SYNRG: variants seen among roughly 807,000 people sequenced by gnomAD.
The protein encoded by SYNRG is synergin gamma, also known as AP1 gamma subunit binding protein 1.
Under a neutral mutation model 130.9 loss-of-function variants are expected in SYNRG, and 37 were observed. The observed-to-expected ratio is 0.28, with a 90% CI of 0.22 to 0.37. SYNRG has a LOEUF of 0.37. Among genes scored for constraint, SYNRG ranks in the 10% least tolerant of loss-of-function variants. The probability of loss-of-function intolerance (pLI) is 1.00; values close to 1 mark genes in which losing one functional copy is unlikely to be tolerated. For missense variants in SYNRG, 1,338 were observed against 1,588.9 expected (o/e 0.84, Z 2.68); for synonymous variants, 539 against 568.1 (o/e 0.95, Z 0.73).
At chr17:37,546,691 T>C (rs1187724699) in intron 14 of SYNRG, among the ~76,000 whole-genome samples, 1 of 152,150 alleles carries the variant, frequency 6.6e-6, no homozygotes, top group Non-Finnish European at 1.5e-5. Flanking sequence ...AGCTGTTAAG[T>C]ATATGCCCAG....
At chr17:37,543,185 C>A (rs1014510254) in intron 14 of SYNRG, among the ~76,000 whole-genome samples, 2 of 151,912 alleles carry the variant, frequency 1.3e-5, no homozygotes, top group African/African-American at 4.8e-5. Flanking sequence ...TCAAATTGGA[C>A]GTCATATTGC....
At chr17:37,592,749 A>C (rs1354002755) in intron 3 of SYNRG, among the ~76,000 whole-genome samples, 1 of 152,228 alleles carries the variant, frequency 6.6e-6, no homozygotes, top group Admixed American at 6.5e-5. Context: ...AGTGAATGCA[A>C]AAGGAGTAAG....
chr17:37,569,489 A>G (rs534802979), intron 10 of SYNRG, among the ~76,000 whole-genome samples: 1 of 151,300 alleles, frequency 6.6e-6, no homozygotes, highest in African/African-American at 2.4e-5. Context: ...AGCGCCTACC[A>G]TCTTTAAAAG....
intron 19 of SYNRG, among the ~76,000 whole-genome samples, chr17:37,526,808 T>C (rs927308964): frequency 6.6e-6 from 1 of 152,232 alleles, no homozygotes; most frequent in African/African-American, 2.4e-5. Context: ...TGGGGTCACC[T>C]GGATAATCCA....
chr17:37,594,172 AATT>A (rs2062478005), intron 3 of SYNRG, among the ~76,000 whole-genome samples: 1 of 110,266 alleles, frequency 9.1e-6, no homozygotes, highest in African/African-American at 3.8e-5. Context: ...TAATTATATT[AATT>A]ACAATATTAA....
chr17:37,543,874 T>C (rs980685686), intron 14 of SYNRG, among the ~76,000 whole-genome samples: 3 of 152,252 alleles, frequency 2.0e-5, no homozygotes, highest in South Asian at 2.1e-4. Context: ...CGTTTCATTG[T>C]AGTCACTGTA....
At chr17:37,565,363 T>C (rs146061728) in intron 11 of SYNRG, among the ~76,000 whole-genome samples, 1,578 of 152,052 alleles carry the variant, frequency 0.01, 24 homozygotes, top group South Asian at 0.039. Context: ...GTGCCCAGGC[T>C]GGAGTGCAGT....
At chr17:37,601,203 G>T (rs1272518493) in intron 1 of SYNRG, among the ~76,000 whole-genome samples, 2 of 152,016 alleles carry the variant, frequency 1.3e-5, no homozygotes, top group Non-Finnish European at 2.9e-5. Flanking sequence ...GAGTAGCTGG[G>T]ATTACAGGCA....
At chr17:37,525,974 A>C (rs1190955677) in intron 19 of SYNRG, among the ~76,000 whole-genome samples, 1 of 152,158 alleles carries the variant, frequency 6.6e-6, no homozygotes, top group Non-Finnish European at 1.5e-5. Flanking sequence ...TCAAAAACAA[A>C]ACAAAACAAT....
chr17:37,542,403 G>A lies in SYNRG; in HGVS notation c.2771C>T (p.Ser924Leu). The A allele has an allele frequency of 6.2e-7, 1 of 1,614,172 alleles. No homozygotes were observed. Among genetic ancestry groups the A allele is most frequent in the African/African-American group, 1.3e-5 (1 of 75,034 alleles). ...TGAAGTCTCTTTCTTTTGAAGAATT[G>A]AGGTGGCTGAGGGGGATCCACTTCC... ...SAGSGSPSAT[S>L]ILQKKETSFG... Residue 924 changes from serine (S) to leucine (L), a missense_variant, in exon 15 of 22, where the codon TCA becomes TTA. This residue lies in a region of SYNRG where 1,146 missense variants were observed against 1,342.3 expected (regional missense o/e 0.85). Coordinates refer to ENST00000612223, the MANE Select transcript of SYNRG (RefSeq NM_007247.6).
At chr17:37,565,467 C>T (rs1307291602) in intron 11 of SYNRG, among the ~76,000 whole-genome samples, 2 of 151,984 alleles carry the variant, frequency 1.3e-5, no homozygotes, top group Non-Finnish European at 2.9e-5. Flanking sequence ...GGCCGCCACC[C>T]CGTCTGGGAA....
At chr17:37,602,081 A>G (rs574337039) in intron 1 of SYNRG, among the ~76,000 whole-genome samples, 5 of 151,898 alleles carry the variant, frequency 3.3e-5, no homozygotes, top group African/African-American at 7.2e-5. Flanking sequence ...CACGTCTGTA[A>G]TCCCAGCACT....
At chr17:37,585,788 G>A (rs2061650135) in intron 4 of SYNRG, among the ~76,000 whole-genome samples, 1 of 152,208 alleles carries the variant, frequency 6.6e-6, no homozygotes, top group African/African-American at 2.4e-5. Context: ...GGAAGGCAGT[G>A]TCATACAGCA....
At chr17:37,541,875 C>T (rs905428303) in intron 15 of SYNRG, 97 bp downstream of exon 15, 15 of 1,142,814 alleles carry the variant, frequency 1.3e-5, no homozygotes, top group African/African-American at 3.1e-5. Flanking sequence ...CAATCTATTT[C>T]CTGCGAAACC....
At chr17:37,563,807 T>C (rs2059719808) in intron 11 of SYNRG, among the ~76,000 whole-genome samples, 1 of 151,588 alleles carries the variant, frequency 6.6e-6, no homozygotes, top group South Asian at 2.1e-4. Context: ...AAGTGCTAGG[T>C]TTACAGGCAA....
Position 37,518,786 on chromosome 17 carries a change from G to A in SYNRG, c.*154C>T. 8 of 957,582 alleles carry A rather than the reference G, an allele frequency of 8.4e-6. No individual in the cohort carries two copies. Among genetic ancestry groups the A allele is most frequent in the Non-Finnish European group, 1.1e-5 (7 of 655,714 alleles). The allele number at this position is 957,582 out of a possible 1,614,324, so 59.3% of individuals were successfully genotyped here. ...AATTTTACCTGAAGTCCTGCAGACT[G>A]GCCGTGGGGATGACGGGGGCCCCGT... is the stretch of plus-strand genomic sequence containing the variant. On this transcript the variant is annotated 3_prime_UTR_variant, in exon 22 of 22. Transcript: ENST00000612223.
At chr17:37,553,063 C>T in intron 14 of SYNRG, 52 bp downstream of exon 14, 4 of 1,546,926 alleles carry the variant, frequency 2.6e-6, no homozygotes, top group Non-Finnish European at 3.5e-6. Context: ...CCCGCAGAAT[C>T]ATCTTTGAAA....
intron 19 of SYNRG, among the ~76,000 whole-genome samples, chr17:37,526,487 T>C (rs535923022): frequency 1.3e-5 from 2 of 152,350 alleles, no homozygotes; most frequent in East Asian, 1.9e-4. Context: ...ATCTTTCCTA[T>C]TGCTGCTGTA....
At chr17:37,599,593 C>T (rs2063088486) in intron 2 of SYNRG, among the ~76,000 whole-genome samples, 2 of 152,132 alleles carry the variant, frequency 1.3e-5, no homozygotes, top group African/African-American at 4.8e-5. Context: ...TGGTGGTATG[C>T]ACCTGTGGTC....
Sources: allele counts gnomAD v4.1 joint callset (sites outside exome capture counted in the v4.1 genomes callset), GRCh38; gene constraint gnomAD v4.1.1; regional missense constraint gnomAD v4.1.1; transcripts MANE v1.5; gene names NCBI Gene and HGNC (gene_info 2026-07-23, HGNC 2026-07-21).